NKAIN2: variants seen among roughly 807,000 people sequenced by gnomAD.
The protein encoded by NKAIN2 is sodium/potassium-transporting ATPase subunit beta-1-interacting protein 2.
In NKAIN2, 14 loss-of-function variants were observed where a neutral mutation model predicts 32.6. That is an observed-to-expected ratio of 0.43 (90% CI 0.28 to 0.67). The LOEUF (loss-of-function observed/expected upper bound fraction) is 0.67, where lower values mean the gene tolerates loss of function less well. Among genes scored for constraint, NKAIN2 ranks in the 30% least tolerant of loss-of-function variants. NKAIN2 has a pLI of 0.17. For synonymous variants in NKAIN2, 80 were observed against 87.2 expected (o/e 0.92, Z 0.46); for missense variants, 198 against 258.3 (o/e 0.77, Z 1.60).
chr6:124,474,023 T>A (rs1388984274), intron 3 of NKAIN2, among the ~76,000 whole-genome samples: 1 of 152,128 alleles, frequency 6.6e-6, no homozygotes, highest in Non-Finnish European at 1.5e-5. Flanking sequence ...ATTATCTTCT[T>A]CTATACAAAA....
chr6:123,933,778 G>A (rs1350523410), intron 1 of NKAIN2, among the ~76,000 whole-genome samples: 1 of 152,166 alleles, frequency 6.6e-6, no homozygotes, highest in Non-Finnish European at 1.5e-5. Flanking sequence ...CCCTTACCTT[G>A]TACTCACTTT....
chr6:124,430,827 C>T (rs1338316777), intron 3 of NKAIN2, among the ~76,000 whole-genome samples: 1 of 152,080 alleles, frequency 6.6e-6, no homozygotes, highest in Non-Finnish European at 1.5e-5. Context: ...CCTTTTAAAA[C>T]CATCATATAC....
At chr6:123,842,187 G>C (rs1160023392) in intron 1 of NKAIN2, among the ~76,000 whole-genome samples, 2 of 152,106 alleles carry the variant, frequency 1.3e-5, no homozygotes, top group South Asian at 2.1e-4. Flanking sequence ...TTTGTGGCAC[G>C]TATTAGTCTG....
intron 1 of NKAIN2, among the ~76,000 whole-genome samples, chr6:123,965,245 G>T (rs1296817867): frequency 6.6e-6 from 1 of 152,084 alleles, no homozygotes; most frequent in Admixed American, 6.6e-5. Flanking sequence ...AGAAATCAAC[G>T]CTGGACTCTG....
intron 1 of NKAIN2, among the ~76,000 whole-genome samples, chr6:123,807,326 G>A (rs1037092748): frequency 1.1e-4 from 16 of 152,104 alleles, no homozygotes; most frequent in East Asian, 1.9e-4. Flanking sequence ...TGATTCCTAC[G>A]TAAAGGAGTA....
chr6:124,315,797 A>C (rs1246834232), intron 2 of NKAIN2, among the ~76,000 whole-genome samples: 1 of 152,154 alleles, frequency 6.6e-6, no homozygotes, highest in Non-Finnish European at 1.5e-5. Context: ...TAAGAAATGG[A>C]AAAATGTGCA....
intron 1 of NKAIN2, among the ~76,000 whole-genome samples, chr6:124,210,544 T>A (rs531451942): frequency 6.6e-6 from 1 of 152,026 alleles, no homozygotes; most frequent in East Asian, 1.9e-4. Context: ...AAATATTGGC[T>A]CTTTTAACCC....
At chr6:124,661,109 T>C (rs1250872202) in intron 4 of NKAIN2, among the ~76,000 whole-genome samples, 2 of 152,340 alleles carry the variant, frequency 1.3e-5, no homozygotes, top group Admixed American at 1.3e-4. Context: ...ACCTTGAGGC[T>C]GTCACAGTCA....
At chr6:124,688,723 G>A (rs923130280) in intron 4 of NKAIN2, among the ~76,000 whole-genome samples, 6 of 152,030 alleles carry the variant, frequency 3.9e-5, no homozygotes, top group Admixed American at 6.6e-5. Context: ...TATAGTTGAA[G>A]TTATATGTTG....
chr6:124,543,902 G>A (rs1210378736), intron 3 of NKAIN2, among the ~76,000 whole-genome samples: 2 of 152,132 alleles, frequency 1.3e-5, no homozygotes, highest in Non-Finnish European at 2.9e-5. Context: ...GACAAGCCAG[G>A]TAGTGCAGAC....
chr6:124,633,147 G>A (rs1016896180), intron 3 of NKAIN2, among the ~76,000 whole-genome samples: 1 of 152,100 alleles, frequency 6.6e-6, no homozygotes, highest in Non-Finnish European at 1.5e-5. Context: ...GAATTTCCTT[G>A]AGAGGCAAGA....
chr6:123,848,758 C>T (rs948024657), intron 1 of NKAIN2, among the ~76,000 whole-genome samples: 2 of 151,980 alleles, frequency 1.3e-5, no homozygotes, highest in East Asian at 1.9e-4. Context: ...AGAGTGCACC[C>T]GTACTTTAGA....
intron 1 of NKAIN2, among the ~76,000 whole-genome samples, chr6:124,200,839 G>A (rs1008977259): frequency 6.6e-6 from 1 of 151,984 alleles, no homozygotes; most frequent in African/African-American, 2.4e-5. Context: ...GCATATAAAT[G>A]TGCGGTTTGT....
intron 1 of NKAIN2, among the ~76,000 whole-genome samples, chr6:124,190,383 C>T (rs1337797085): frequency 6.6e-6 from 1 of 152,204 alleles, no homozygotes; most frequent in Non-Finnish European, 1.5e-5. Flanking sequence ...ACCTTGGCAT[C>T]ATGTAGACAA....
intron 4 of NKAIN2, among the ~76,000 whole-genome samples, chr6:124,667,301 T>C (rs2114461270): frequency 6.6e-6 from 1 of 152,222 alleles, no homozygotes; most frequent in Admixed American, 6.5e-5. Flanking sequence ...AATAATTGTG[T>C]TTTCTTAGTA....
At chr6:123,945,727 G>T in intron 1 of NKAIN2, among the ~76,000 whole-genome samples, 1 of 152,206 alleles carries the variant, frequency 6.6e-6, no homozygotes, top group South Asian at 2.1e-4. Flanking sequence ...GTTACCCTTG[G>T]AAGTGTACCA....
chr6:123,961,992 C>T (rs934097993), intron 1 of NKAIN2, among the ~76,000 whole-genome samples: 1 of 152,088 alleles, frequency 6.6e-6, no homozygotes, highest in African/African-American at 2.4e-5. Context: ...TTTATTGCTT[C>T]ATCAAATAGT....
At chr6:124,339,909 A>G (rs949977445) in intron 2 of NKAIN2, among the ~76,000 whole-genome samples, 1 of 152,160 alleles carries the variant, frequency 6.6e-6, no homozygotes, top group Non-Finnish European at 1.5e-5. Flanking sequence ...CTTCAAATTT[A>G]CATGACCCTA....
chr6:124,063,170 G>T (rs1303818557), intron 1 of NKAIN2, among the ~76,000 whole-genome samples: 1 of 151,726 alleles, frequency 6.6e-6, no homozygotes, highest in Non-Finnish European at 1.5e-5. Context: ...GGGCAACACA[G>T]TGAGACTCCA....
Sources: gnomAD v4.1 joint callset for allele counts (sites outside exome capture counted in the v4.1 genomes callset) on GRCh38, gnomAD v4.1.1 for gene constraint, MANE v1.5 for transcripts, NCBI Gene and HGNC (gene_info 2026-07-23, HGNC 2026-07-21) for gene names.